The following PDE1A variants were observed in gnomAD, a reference collection of about 807,000 sequenced individuals.
PDE1A encodes the protein dual specificity calcium/calmodulin-dependent 3',5'-cyclic nucleotide phosphodiesterase 1A.
PDE1A carries 35 observed loss-of-function variants against 61.7 expected under a neutral mutation model. That is an observed-to-expected ratio of 0.57 (90% CI 0.43 to 0.75). PDE1A has a LOEUF of 0.75. Ranked by LOEUF, PDE1A falls within the 30% of genes least tolerant of loss-of-function variation. PDE1A has a pLI of 0.00. For synonymous variants in PDE1A, 232 were observed against 213.2 expected, an observed-to-expected ratio of 1.09 and a Z score of -0.77; for missense variants, 597 against 630.6, an observed-to-expected ratio of 0.95 and a Z score of 0.57.
intron 1 of PDE1A, among the ~76,000 whole-genome samples, chr2:182,400,877 G>A (rs1188780391): frequency 6.6e-6 from 1 of 152,116 alleles, no homozygotes; most frequent in Admixed American, 6.6e-5. Flanking sequence ...AACCACCTTT[G>A]CCAAAATGTC....
At chr2:182,565,186 A>T in the PDE1A span, among the ~76,000 whole-genome samples, 1,640 of 152,064 alleles carry the variant, frequency 0.011, 20 homozygotes, top group Middle Eastern at 0.034. Flanking sequence ...TTGTGGTTTT[A>T]TCTACTTTTG....
chr2:182,342,463 C>G (rs1376041251), intron 1 of PDE1A, among the ~76,000 whole-genome samples: 3 of 152,182 alleles, frequency 2.0e-5, no homozygotes, highest in Admixed American at 1.3e-4. Context: ...GAGGGAGGAT[C>G]ACGAGGTCAG....
chr2:182,185,204 A>G (rs1685105232), intron 13 of PDE1A, among the ~76,000 whole-genome samples: 1 of 152,192 alleles, frequency 6.6e-6, no homozygotes, highest in South Asian at 2.1e-4. Context: ...GCCATTGTGC[A>G]GGGAGTGTAG....
intron 2 of PDE1A, among the ~76,000 whole-genome samples, chr2:182,249,847 T>C (rs750210067): frequency 6.6e-5 from 10 of 152,144 alleles, no homozygotes; most frequent in Non-Finnish European, 2.9e-5. Context: ...AGCTGCTTTA[T>C]TGCTTTCTTA....
rs533081732 is a variant in PDE1A at position 182,171,381 on chromosome 2, T to C, written c.1517-3091A>G. ...TACGTGATTTTTGTTTGAAGAACTATAGACGTCATTTTAGGGAAACCATCA... is the reference window on the plus strand; with the variant it reads ...TACGTGATTTTTGTTTGAAGAACTACAGACGTCATTTTAGGGAAACCATCA... On this transcript the variant is annotated intron_variant, in intron 13 of 13. Coordinates refer to ENST00000351439, the Ensembl canonical transcript of PDE1A. 1.4e-3 allele frequency among the ~76,000 whole-genome samples: 213 copies of C among 152,152 alleles called. 1 individual carries two copies. The highest frequency in any genetic ancestry group is 4.9e-3 in the African/African-American group (205 of 41,560).
intron 7 of PDE1A, among the ~76,000 whole-genome samples, chr2:182,212,527 G>T (rs4666821): frequency 0.56 from 85,323 of 151,930 alleles, 24,384 homozygotes; most frequent in African/African-American, 0.64. Flanking sequence ...AGTAGGGAGT[G>T]CCAGACAGTG....
At chr2:182,167,799 G>A (rs574498284), downstream of PDE1A, 144 of 536,232 alleles carry the variant, frequency 2.7e-4, 1 homozygote, top group African/African-American at 2.8e-3. Context: ...CTATCCCTTA[G>A]GACAAATGGT....
chr2:182,570,554 T>C, the PDE1A span, among the ~76,000 whole-genome samples: 1 of 152,144 alleles, frequency 6.6e-6, no homozygotes, highest in East Asian at 1.9e-4. Flanking sequence ...TCATGTCAAA[T>C]ACAGCGACAA....
chr2:182,160,890 G>A (rs1432548463), intron 13 of PDE1A, among the ~76,000 whole-genome samples: 1 of 152,158 alleles, frequency 6.6e-6, no homozygotes, highest in Non-Finnish European at 1.5e-5. Context: ...TCCTTAATTG[G>A]TTTTGGGATT....
At chr2:182,177,136 T>C (rs1330286580) in intron 13 of PDE1A, among the ~76,000 whole-genome samples, 1 of 150,658 alleles carries the variant, frequency 6.6e-6, no homozygotes, top group Non-Finnish European at 1.5e-5. Flanking sequence ...AGGATATTGG[T>C]CTAAAATTCT....
In PDE1A at chr2:182,189,395, T is replaced by A. The variant is rs1025851984; in HGVS notation, c.1126-335A>T. Reference sequence around the variant, plus strand: ...AAATAACTAGCCATCTTATGTGTTATCTGACATTTAATTAACAATCCAAGT... The same window carrying A: ...AAATAACTAGCCATCTTATGTGTTAACTGACATTTAATTAACAATCCAAGT... On this transcript the variant is annotated intron_variant, in intron 10 of 13. Coordinates refer to ENST00000351439, the Ensembl canonical transcript of PDE1A. 2.0e-5 allele frequency among the ~76,000 whole-genome samples: 3 copies of A among 152,222 alleles called. No individual in the cohort carries two copies. The East Asian group carries it at 5.8e-4, about 29-fold the overall frequency.
rs72885103 is a variant in PDE1A, at chr2:182,439,353, A to C, written c.101+82923T>G. ...GGAGTTGCATAAATATAAAATTATGAACGTGGATGGTCTTGCTCAGAGAGA... is the reference window on the plus strand; with the variant it reads ...GGAGTTGCATAAATATAAAATTATGCACGTGGATGGTCTTGCTCAGAGAGA... On this transcript the variant is annotated intron_variant, in intron 2 of 14. Transcript: ENST00000410103. 6.6e-3 allele frequency among the ~76,000 whole-genome samples: 1,004 copies of C among 152,096 alleles called. 2 individuals are homozygous for C. Among genetic ancestry groups the C allele is most frequent in the Non-Finnish European group, 0.011 (719 of 67,942 alleles).
the PDE1A span, among the ~76,000 whole-genome samples, chr2:182,683,983 T>C: frequency 2.1e-3 from 316 of 151,608 alleles, 5 homozygotes; most frequent in African/African-American, 7.4e-3. Context: ...ATTAGCTGGG[T>C]GTGGTGGCGC....
chr2:182,453,803 C>T (rs542703959), intron 2 of PDE1A, among the ~76,000 whole-genome samples: 2 of 152,082 alleles, frequency 1.3e-5, no homozygotes, highest in South Asian at 4.1e-4. Context: ...AAACCCACAG[C>T]CAATATCATA....
At chr2:182,513,562 TAAC>T (rs1052975941) in intron 2 of PDE1A, among the ~76,000 whole-genome samples, 1 of 152,204 alleles carries the variant, frequency 6.6e-6, no homozygotes, top group African/African-American at 2.4e-5. Flanking sequence ...AACAACCAGC[TAAC>T]AACATGTCAG....
At chr2:182,415,288 A>C (rs1294100929) in intron 1 of PDE1A, among the ~76,000 whole-genome samples, 2 of 152,150 alleles carry the variant, frequency 1.3e-5, no homozygotes, top group Admixed American at 1.3e-4. Flanking sequence ...CAATAAGTAA[A>C]ATATTTTAAA....
intron 2 of PDE1A, among the ~76,000 whole-genome samples, chr2:182,466,937 T>C (rs543886662): frequency 6.6e-6 from 1 of 152,036 alleles, no homozygotes; most frequent in Non-Finnish European, 1.5e-5. Context: ...AAATCAACTC[T>C]GCTCTTCCCA....
At chr2:182,483,686 A>G (rs1302788810) in intron 2 of PDE1A, among the ~76,000 whole-genome samples, 1 of 151,856 alleles carries the variant, frequency 6.6e-6, no homozygotes, top group Non-Finnish European at 1.5e-5. Flanking sequence ...AATACTAAAA[A>G]AATTTTTCAA....
the PDE1A span, among the ~76,000 whole-genome samples, chr2:182,633,147 T>A: frequency 6.6e-6 from 1 of 152,176 alleles, no homozygotes; most frequent in East Asian, 1.9e-4. Context: ...AGGATGGAGA[T>A]GTCAGTGTCA....
Sources: allele counts gnomAD v4.1 joint callset (sites outside exome capture counted in the v4.1 genomes callset), GRCh38; gene constraint gnomAD v4.1.1; transcripts MANE v1.5; gene names NCBI Gene and HGNC (gene_info 2026-07-23, HGNC 2026-07-21).